NR1D2: variants seen among roughly 807,000 people sequenced by gnomAD.
The protein encoded by NR1D2 is nuclear receptor subfamily 1 group D member 2.
A neutral mutation model predicts 52.2 loss-of-function variants in NR1D2; 25 were observed. The ratio of observed to expected loss-of-function variants is 0.48; its 90% confidence interval spans 0.35 to 0.67. The LOEUF is 0.67. Among genes scored for constraint, NR1D2 ranks in the 30% least tolerant of loss-of-function variants. The probability of loss-of-function intolerance (pLI) is 0.01; values close to 1 mark genes in which losing one functional copy is unlikely to be tolerated. For synonymous variants in NR1D2, 259 were observed against 230.1 expected (o/e 1.13, Z -1.14); for missense variants, 681 against 707.2 (o/e 0.96, Z 0.42).
chr3:23,973,063 C>T (rs571371169), intron 7 of NR1D2, among the ~76,000 whole-genome samples: 2 of 152,300 alleles, frequency 1.3e-5, no homozygotes, highest in African/African-American at 4.8e-5. Flanking sequence ...CAACCAACTA[C>T]TACTAATACT....
rs1706840582 is a variant in NR1D2 at position 23,980,198 on chromosome 3, T to A, written c.*2779T>A. 1 of 152,188 alleles carries A rather than the reference T, an allele frequency of 6.6e-6. No individual in the cohort carries two copies. The highest frequency in any genetic ancestry group is 2.1e-4 in the South Asian group (1 of 4,832). 9.4% of individuals were successfully genotyped at this position (152,188 alleles called of 1,614,324 possible). ...AGATGATTTATTTTATGTAAACATC[T>A]TTGCAAAGCAAGGTGTAGCAGCTCA... On this transcript the variant is annotated 3_prime_UTR_variant, in exon 8 of 8. Coordinates refer to ENST00000312521, the MANE Select transcript of NR1D2 (RefSeq NM_005126.5).
At position 23,946,079 on chromosome 3, in the gene NR1D2, C is replaced by G. The variant is rs1438053184; in HGVS notation, c.16+485C>G. On this transcript the variant is annotated intron_variant, in intron 1 of 7. Transcript: ENST00000312521. ...GAGCGCCGCAGCCTCCCGGGAGGCTCCGCCCCTTTGGAAGCCTCGGGGCAG... is the reference window on the plus strand; with the variant it reads ...GAGCGCCGCAGCCTCCCGGGAGGCTGCGCCCCTTTGGAAGCCTCGGGGCAG... 7.1e-6 allele frequency: 7 copies of G among 984,162 alleles called. No homozygotes were observed. The African/African-American group carries it at 1.2e-4, about 17-fold the overall frequency. The allele number at this position is 984,162 out of a possible 1,614,324, so 61.0% of individuals were successfully genotyped here. A position where few individuals can be genotyped will look rare whatever the true frequency, so the allele number is the denominator to read the frequency against.
At chr3:23,959,398 G>GTTT (rs1222652081) in intron 3 of NR1D2, among the ~76,000 whole-genome samples, 1 of 152,096 alleles carries the variant, frequency 6.6e-6, no homozygotes, top group Non-Finnish European at 1.5e-5. Context: ...TGCAAGGGGT[G>GTTT]TTTTGGGTAA....
At chr3:23,966,692 C>G (rs1706458437) in intron 6 of NR1D2, among the ~76,000 whole-genome samples, 3 of 152,096 alleles carry the variant, frequency 2.0e-5, no homozygotes, top group African/African-American at 7.2e-5. Flanking sequence ...TTTTGATGTT[C>G]TTCTTGGAGT....
intron 7 of NR1D2, 59 bp downstream of exon 7, chr3:23,968,082 A>G (rs2125295198): frequency 1.0e-5 from 14 of 1,348,036 alleles, no homozygotes; most frequent in Non-Finnish European, 1.5e-5. Flanking sequence ...ACTGGGGAGA[A>G]GATGGCAGTT....
At chr3:23,945,745 C>A in intron 1 of NR1D2, 151 bp downstream of exon 1, 1 of 534,890 alleles carries the variant, frequency 1.9e-6, no homozygotes, top group East Asian at 5.2e-5. Flanking sequence ...GGCTCGGTTC[C>A]CATCGCCCCC....
intron 6 of NR1D2, among the ~76,000 whole-genome samples, chr3:23,965,395 C>T (rs1377495099): frequency 2.7e-5 from 4 of 150,576 alleles, no homozygotes; most frequent in Admixed American, 6.6e-5. Context: ...TGAGCTACCA[C>T]GCCCGGCTAA....
intron 1 of NR1D2, among the ~76,000 whole-genome samples, chr3:23,953,336 CTG>C (rs1705993856): frequency 1.1e-5 from 1 of 91,578 alleles, no homozygotes; most frequent in South Asian, 4.2e-4. Flanking sequence ...GAGTGAGACT[CTG>C]TCTCAAAAAA....
chr3:23,946,373 A>T, intron 1 of NR1D2: 1 of 877,710 alleles, frequency 1.1e-6, no homozygotes, highest in Non-Finnish European at 1.4e-6. Flanking sequence ...TGCAGGCCGG[A>T]GGAGGCGCCT....
At chr3:23,964,923 C>A in intron 5 of NR1D2, 54 bp from the exon 6 acceptor site, 1 of 1,218,210 alleles carries the variant, frequency 8.2e-7, no homozygotes, top group Non-Finnish European at 1.2e-6. Flanking sequence ...CTGCTTTTGA[C>A]ATTTCTTTAC....
chr3:23,966,016 G>GATACTAA (rs1460275113), intron 6 of NR1D2, among the ~76,000 whole-genome samples: 3 of 152,136 alleles, frequency 2.0e-5, no homozygotes, highest in Non-Finnish European at 2.9e-5. Context: ...ATCCTGCTTG[G>GATACTAA]GCTTGGGGTA....
At chr3:23,948,957 G>A (rs1705853174) in intron 1 of NR1D2, among the ~76,000 whole-genome samples, 1 of 152,194 alleles carries the variant, frequency 6.6e-6, no homozygotes. Context: ...GGGCCTCCCA[G>A]TTTCATCAGT....
chr3:23,959,774 G>GT lies in NR1D2; in HGVS notation c.477dup (p.Arg160SerfsTer22). 6.2e-7 allele frequency: 1 copy of GT among 1,613,700 alleles called. No individual in the cohort carries two copies. The highest frequency in any genetic ancestry group is 8.5e-7 in the Non-Finnish European group (1 of 1,179,862). The stretch of plus-strand genomic sequence containing the variant: ...ATGAATAGGAACAGATGTCAGCAAT[G>GT]TCGCTTCAAAAAGTGTCTGTCTGTT... On this transcript the variant is annotated frameshift_variant, in exon 4 of 8. Transcript: ENST00000312521. LOFTEE classifies it high-confidence loss of function.
chr3:23,962,148 A>T lies in NR1D2; in HGVS notation c.689A>T (p.Lys230Met). 1 of 1,614,156 alleles carries T rather than the reference A, an allele frequency of 6.2e-7. No homozygotes were observed. Among genetic ancestry groups the T allele is most frequent in the African/African-American group, 1.3e-5 (1 of 75,026 alleles). ...CCAGCCCAGGAACAGCTGCGACCCA[A>T]GCCCCAACTGGAGCAAGAAAACATC... is the stretch of plus-strand genomic sequence containing the variant. ...ALPAQEQLRPKPQLEQENIKS... is the reference protein window; with the variant it reads ...ALPAQEQLRPMPQLEQENIKS... Residue 230 changes from lysine to methionine, a missense_variant, in exon 5 of 8, where the codon AAG becomes ATG. Transcript: ENST00000312521.
intron 7 of NR1D2, among the ~76,000 whole-genome samples, chr3:23,968,609 T>G (rs1025095678): frequency 2.0e-5 from 3 of 152,222 alleles, no homozygotes; most frequent in African/African-American, 7.2e-5. Context: ...GAAGAGCTAC[T>G]CAGTCACTGT....
chr3:23,946,227 C>G (rs1202582036), intron 1 of NR1D2: 12 of 985,348 alleles, frequency 1.2e-5, no homozygotes, highest in African/African-American at 3.5e-5. Context: ...CCGCAGTGCA[C>G]CGGACGCCGC....
rs576775984 is a variant in NR1D2 at position 23,977,682 on chromosome 3, A to G, written c.*263A>G. ...TTACACTGAAGTATAATCACACTGA[A>G]TGTTAGACTTTTTCATCTGCCAAAA... On this transcript the variant is annotated 3_prime_UTR_variant, in exon 8 of 8. Transcript: ENST00000312521. 13 of 278,604 alleles carry G rather than the reference A, an allele frequency of 4.7e-5. No individual in the cohort carries two copies. In the East Asian group the frequency reaches 5.4e-4, roughly 12 times the overall value. 17.3% of individuals were successfully genotyped at this position (278,604 alleles called of 1,614,324 possible). A position where few individuals can be genotyped will look rare whatever the true frequency, so the allele number is the denominator to read the frequency against.
chr3:23,948,750 A>G (rs11922577), intron 1 of NR1D2, among the ~76,000 whole-genome samples: 43,532 of 152,122 alleles, frequency 0.29, 6,547 homozygotes, highest in African/African-American at 0.38. Context: ...TTGAATCCAC[A>G]AAATTTACTT....
intron 5 of NR1D2, among the ~76,000 whole-genome samples, chr3:23,964,535 A>G (rs1706387550): frequency 6.6e-6 from 1 of 152,244 alleles, no homozygotes; most frequent in African/African-American, 2.4e-5. Context: ...GCTGTGTTGG[A>G]CAAATCACTA....
Sources: allele counts gnomAD v4.1 joint callset (sites outside exome capture counted in the v4.1 genomes callset), GRCh38; gene constraint gnomAD v4.1.1; transcripts MANE v1.5; gene names NCBI Gene and HGNC (gene_info 2026-07-23, HGNC 2026-07-21).